ZBTB38: variants seen among roughly 807,000 people sequenced by gnomAD.
ZBTB38 encodes the protein zinc finger and BTB domain containing 38.
ZBTB38 carries 20 observed loss-of-function variants against 76.8 expected under a neutral mutation model. The ratio of observed to expected loss-of-function variants is 0.26; its 90% confidence interval spans 0.18 to 0.38. ZBTB38 has a LOEUF of 0.38. ZBTB38 is among the 10% of genes least tolerant of loss of function. The pLI is 1.00. For missense variants in ZBTB38, 1,082 were observed against 1,482.3 expected, an observed-to-expected ratio of 0.73 and a Z score of 4.43; for synonymous variants, 504 against 544.2, an observed-to-expected ratio of 0.93 and a Z score of 1.03.
rs151230214 is a variant in ZBTB38, at chr3:141,369,279, T to C, written c.-310+475T>C. Among the ~76,000 whole-genome samples the C allele has an allele frequency of 7.7e-4, 118 of 152,308 alleles. 1 individual carries two copies. In the East Asian group the frequency reaches 0.017, roughly 22 times the overall value. ...ACCTGGTAAAATATGACAGCCCTGG[T>C]AAAAAGATGTACATAATTGTGCTGC... is the stretch of plus-strand genomic sequence containing the variant. On this transcript the variant is annotated intron_variant, in intron 1 of 5. Transcript: ENST00000321464.
At chr3:141,421,272 TTC>T (rs1297236700) in intron 5 of ZBTB38, among the ~76,000 whole-genome samples, 1 of 150,054 alleles carries the variant, frequency 6.7e-6, no homozygotes, top group Non-Finnish European at 1.5e-5. Flanking sequence ...GTCTAGAAAC[TTC>T]TCTCTTTTTT....
chr3:141,382,154 C>T (rs565169282), intron 3 of ZBTB38, among the ~76,000 whole-genome samples: 1 of 152,282 alleles, frequency 6.6e-6, no homozygotes, highest in South Asian at 2.1e-4. Context: ...ACTCAGGAGG[C>T]TGAGGCGGGA....
chr3:141,358,730 C>G (rs373723276), intron 1 of ZBTB38, among the ~76,000 whole-genome samples: 67 of 152,210 alleles, frequency 4.4e-4, no homozygotes, highest in African/African-American at 1.6e-3. Context: ...CCCTAAGCCC[C>G]TATCTCCATC....
rs185674009 is a variant in ZBTB38, at chr3:141,400,803, C to T, written c.-105-3124C>T. ...TAGGCACTAATATTAAAATTAGTCC[C>T]ATTTTATAGATGAAGAAGGCACGGG... On this transcript the variant is annotated intron_variant, in intron 4 of 5. Transcript: ENST00000321464. Among the ~76,000 whole-genome samples the T allele has an allele frequency of 5.3e-5, 8 of 152,312 alleles. No individual in the cohort carries two copies. In the East Asian group the frequency reaches 1.3e-3, roughly 26 times the overall value.
intron 1 of ZBTB38, among the ~76,000 whole-genome samples, chr3:141,362,654 A>G (rs1001164081): frequency 9.5e-6 from 1 of 105,260 alleles, no homozygotes; most frequent in Non-Finnish European, 1.8e-5. Context: ...AGAACTGGAC[A>G]GAGCGGAAGG....
chr3:141,435,114 C>T (rs1030896475), intron 5 of ZBTB38, among the ~76,000 whole-genome samples: 4 of 151,798 alleles, frequency 2.6e-5, no homozygotes, highest in Admixed American at 2.6e-4. Context: ...CACTGCTGTC[C>T]GACAGCACTC....
chr3:141,357,550 G>A (rs576065474), intron 1 of ZBTB38, among the ~76,000 whole-genome samples: 2 of 152,238 alleles, frequency 1.3e-5, no homozygotes, highest in Non-Finnish European at 2.9e-5. Context: ...TTTGTTTCGA[G>A]ATGAAGTCTC....
At chr3:141,427,025 T>TC (rs1245865585) in intron 5 of ZBTB38, among the ~76,000 whole-genome samples, 18 of 152,102 alleles carry the variant, frequency 1.2e-4, no homozygotes, top group Admixed American at 1.2e-3. Flanking sequence ...GCTTTTTTTT[T>TC]TATGACCACC....
rs1943439260 is a variant in ZBTB38, at chr3:141,348,854, A to T, written c.-738-19767A>T. Among the ~76,000 whole-genome samples, 9 of 152,356 alleles carry T rather than the reference A, an allele frequency of 5.9e-5. No individual in the cohort carries two copies. In the South Asian group the frequency reaches 1.9e-3, roughly 32 times the overall value. Reference sequence around the variant, plus strand: ...TAGTAATGGTAAAGGGACTCCCGGCAGAGAAGCAATTTTACAGAATTTCTG... The same window carrying T: ...TAGTAATGGTAAAGGGACTCCCGGCTGAGAAGCAATTTTACAGAATTTCTG... On this transcript the variant is annotated intron_variant, in intron 1 of 7. Coordinates refer to the ZBTB38 transcript ENST00000509842.
At chr3:141,390,046 C>A (rs1018917955) in intron 4 of ZBTB38, 2 of 152,110 alleles carry the variant, frequency 1.3e-5, no homozygotes, top group Non-Finnish European at 2.9e-5. Flanking sequence ...GTGTATCGTA[C>A]CATCGTCATT....
chr3:141,422,365 G>A (rs2075589411), intron 5 of ZBTB38, among the ~76,000 whole-genome samples: 1 of 152,150 alleles, frequency 6.6e-6, no homozygotes, highest in Non-Finnish European at 1.5e-5. Context: ...GGCACTTATT[G>A]CCTCTCAGAG....
chr3:141,341,043 G>C (rs201289495), intron 1 of ZBTB38, among the ~76,000 whole-genome samples: 1 of 151,178 alleles, frequency 6.6e-6, no homozygotes, highest in Non-Finnish European at 1.5e-5. Context: ...GTTAATAAGC[G>C]CATGAAAAGA....
chr3:141,366,721 G>A (rs890217365), upstream of ZBTB38: 2 of 152,202 alleles, frequency 1.3e-5, no homozygotes, highest in Admixed American at 1.3e-4. Flanking sequence ...CCCACCCACA[G>A]TGGGAAGGAA....
chr3:141,369,013 AC>A (rs1265642981), intron 1 of ZBTB38, among the ~76,000 whole-genome samples: 13 of 151,062 alleles, frequency 8.6e-5, no homozygotes, highest in East Asian at 5.9e-4. Context: ...AAAAAAAAAA[AC>A]AATACTAAGA....
intron 5 of ZBTB38, among the ~76,000 whole-genome samples, chr3:141,417,556 CCTCT>C: frequency 6.6e-6 from 1 of 151,886 alleles, no homozygotes; most frequent in South Asian, 2.1e-4. Context: ...AAATTTTTCC[CCTCT>C]CTTTCATCCC....
intron 3 of ZBTB38, among the ~76,000 whole-genome samples, chr3:141,384,192 G>A (rs1031304656): frequency 3.9e-5 from 6 of 152,234 alleles, no homozygotes; most frequent in African/African-American, 1.4e-4. Flanking sequence ...AGTTTTGACA[G>A]AGGGTGGACA....
chr3:141,383,775 GC>G (rs1338581375), intron 3 of ZBTB38: 1 of 152,194 alleles, frequency 6.6e-6, no homozygotes, highest in Admixed American at 6.5e-5. Context: ...TCCAGCCTGT[GC>G]CTGCCAGATT....
rs528897650 is a variant in ZBTB38, at chr3:141,445,365, G to A, written c.2977G>A (p.Val993Met). ...TGAACTCTGTGATGGAGACAAAGCA[G>A]TGGGGGCTGGAAACCAAGGAAGGCC... ...QCELCDGDKA[V>M]GAGNQGRPHR... is the part of the protein sequence containing the mutation. Residue 993 changes from valine (V) to methionine (M), a missense_variant, in exon 6 of 6, where the codon GTG becomes ATG. Around this residue, in one of 8 missense-constraint regions of ZBTB38, gnomAD observed 471 missense variants for 581.0 expected, o/e 0.81. Transcript: ENST00000321464. The surrounding 1 kb of genome is among the most constrained non-coding windows in gnomAD (Gnocchi z 6.5). 3 of 1,614,042 alleles carry A rather than the reference G, an allele frequency of 1.9e-6. No homozygotes were observed. The highest frequency in any genetic ancestry group is 2.5e-6 in the Non-Finnish European group (3 of 1,180,030).
chr3:141,340,942 G>GA (rs1195708609), intron 1 of ZBTB38, among the ~76,000 whole-genome samples: 2,394 of 100,434 alleles, frequency 0.024, 60 homozygotes, highest in African/African-American at 0.047. Context: ...GAAAAGAAAA[G>GA]AAAGAAGGAA....
Sources: allele counts gnomAD v4.1 joint callset (sites outside exome capture counted in the v4.1 genomes callset), GRCh38; gene constraint gnomAD v4.1.1; regional missense constraint gnomAD v4.1.1; non-coding constraint Gnocchi (gnomAD v3.1); transcripts MANE v1.5; gene names NCBI Gene and HGNC (gene_info 2026-07-23, HGNC 2026-07-21).